MACROD2: variants seen among roughly 807,000 people sequenced by gnomAD.
MACROD2 encodes ADP-ribose glycohydrolase MACROD2.
MACROD2 carries 36 observed loss-of-function variants against 70.4 expected under a neutral mutation model. That is an observed-to-expected ratio of 0.51 (90% CI 0.39 to 0.68). The LOEUF is 0.68. Ranked by LOEUF, MACROD2 falls within the 30% of genes least tolerant of loss-of-function variation. The pLI, the probability that MACROD2 is intolerant of heterozygous loss-of-function variation, is 0.00. For missense variants in MACROD2, 496 were observed against 538.4 expected (o/e 0.92, Z 0.78); for synonymous variants, 172 against 178.8 (o/e 0.96, Z 0.30).
intron 3 of MACROD2, among the ~76,000 whole-genome samples, chr20:14,458,797 G>A (rs1479815634): frequency 1.3e-5 from 2 of 152,094 alleles, no homozygotes; most frequent in Non-Finnish European, 2.9e-5. Context: ...TAAAGTCAAT[G>A]TTTTAGTAAT....
At chr20:14,000,890 A>C (rs73900789) in intron 1 of MACROD2, among the ~76,000 whole-genome samples, 1 of 152,166 alleles carries the variant, frequency 6.6e-6, no homozygotes, top group African/African-American at 2.4e-5. Flanking sequence ...GTTTCCGGCT[A>C]CTTTTCACTT....
rs10626103 is a variant in MACROD2, at chr20:15,936,671, G to GTATATATATATATATATA, written c.839-788_839-787insATATATATATATATATAT. Among the ~76,000 whole-genome samples the GTATATATATATATATATA allele has an allele frequency of 3.5e-3, 506 of 143,226 alleles. 11 individuals are homozygous for GTATATATATATATATATA. Among genetic ancestry groups the GTATATATATATATATATA allele is most frequent in the East Asian group, 0.026 (121 of 4,646 alleles). The allele number at this position is 143,226 out of a possible 152,430, so 94.0% of individuals were successfully genotyped here. A position where few individuals can be genotyped will look rare whatever the true frequency, so the allele number is the denominator to read the frequency against. ...TTTTGTCCATAATGTGTATATGTGTGTATATATATATATATATTCATTTTC... is the reference window on the plus strand; with the variant it reads ...TTTTGTCCATAATGTGTATATGTGTGTATATATATATATATATATATATATATATATATATTCATTTTC... On this transcript the variant is annotated intron_variant, in intron 11 of 17. Coordinates refer to ENST00000684519, the MANE Select transcript of MACROD2 (RefSeq NM_001351661.2).
At chr20:15,984,966 C>T (rs920493342) in intron 13 of MACROD2, among the ~76,000 whole-genome samples, 9 of 152,194 alleles carry the variant, frequency 5.9e-5, no homozygotes, top group South Asian at 2.1e-4. Flanking sequence ...TGTCTATGTA[C>T]GGAAACTGGC....
intron 6 of MACROD2, among the ~76,000 whole-genome samples, chr20:15,393,450 G>C (rs1458919274): frequency 6.6e-6 from 1 of 152,060 alleles, no homozygotes; most frequent in African/African-American, 2.4e-5. Context: ...TGACTCTTCT[G>C]TCTTTCCATC....
At chr20:14,519,098 A>G (rs927790615) in intron 4 of MACROD2, among the ~76,000 whole-genome samples, 8 of 152,220 alleles carry the variant, frequency 5.3e-5, no homozygotes. Context: ...GAGAATGACT[A>G]AAGTACTAAG....
chr20:15,162,520 C>T (rs1040477256), intron 5 of MACROD2, among the ~76,000 whole-genome samples: 7 of 152,188 alleles, frequency 4.6e-5, no homozygotes, highest in Non-Finnish European at 8.8e-5. Flanking sequence ...GAAAGTAGAA[C>T]TAAAACTCAG....
intron 3 of MACROD2, among the ~76,000 whole-genome samples, chr20:14,406,274 G>C (rs2083690149): frequency 6.6e-6 from 1 of 152,048 alleles, no homozygotes; most frequent in Admixed American, 6.6e-5. Flanking sequence ...GTTTCTTTTT[G>C]AAGTATGCAC....
At position 14,957,080 on chromosome 20, in the gene MACROD2, TA is replaced by T. The variant is rs576203079; in HGVS notation, c.418+272126del. On this transcript the variant is annotated intron_variant, in intron 5 of 17. Coordinates refer to ENST00000684519, the MANE Select transcript of MACROD2 (RefSeq NM_001351661.2). ...AGACTGATTTTTTAAAATTATACAT[TA>T]AAAACACATTATCAATGATTTTTTT... Among the ~76,000 whole-genome samples, 54 of 152,292 alleles carry T rather than the reference TA, an allele frequency of 3.5e-4. 1 individual carries two copies. The South Asian group carries it at 7.3e-3, about 20-fold the overall frequency.
At chr20:15,056,793 ATTT>A (rs1014257100) in intron 5 of MACROD2, among the ~76,000 whole-genome samples, 1 of 152,242 alleles carries the variant, frequency 6.6e-6, no homozygotes, top group Admixed American at 6.5e-5. Flanking sequence ...CAGCAAAGAG[ATTT>A]TTAAGTATAT....
In MACROD2 at chr20:16,051,115, A is replaced by G. The variant is rs1271670854; in HGVS notation, c.*1239A>G. 6.6e-6 allele frequency: 1 copy of G among 152,236 alleles called. No individual in the cohort carries two copies. Among genetic ancestry groups the G allele is most frequent in the East Asian group, 1.9e-4 (1 of 5,198 alleles). The allele number at this position is 152,236 out of a possible 1,614,324, so 9.4% of individuals were successfully genotyped here. ...TCTATCCTAGAGCCAGTATAAGGCC[A>G]GATGCCTACTTCCCACAGCCTCCCC... On this transcript the variant is annotated 3_prime_UTR_variant, in exon 18 of 18. Coordinates refer to ENST00000684519, the MANE Select transcript of MACROD2 (RefSeq NM_001351661.2).
chr20:14,389,250 G>C (rs146907936), intron 3 of MACROD2, among the ~76,000 whole-genome samples: 1 of 151,176 alleles, frequency 6.6e-6, no homozygotes, highest in Admixed American at 6.6e-5. Flanking sequence ...GCGAAACCTC[G>C]TCTCTACTAA....
chr20:15,945,223 T>C (rs763312265), intron 12 of MACROD2, among the ~76,000 whole-genome samples: 2 of 152,188 alleles, frequency 1.3e-5, no homozygotes, highest in African/African-American at 4.8e-5. Context: ...TTTTTAGTCA[T>C]TATTAAATAT....
chr20:14,862,466 T>TATATATAA (rs2073361756), intron 5 of MACROD2, among the ~76,000 whole-genome samples: 1 of 16,382 alleles, frequency 6.1e-5, no homozygotes, highest in African/African-American at 2.1e-4. Context: ...TATATAAATA[T>TATATATAA]ATATATATAA....
intron 8 of MACROD2, among the ~76,000 whole-genome samples, chr20:15,745,557 G>T (rs2051170173): frequency 2.0e-5 from 3 of 152,014 alleles, no homozygotes; most frequent in Admixed American, 6.6e-5. Flanking sequence ...GATTCCTATG[G>T]CTTGTCTTTT....
intron 8 of MACROD2, among the ~76,000 whole-genome samples, chr20:15,681,179 G>T (rs1489971074): frequency 6.6e-6 from 1 of 152,154 alleles, no homozygotes; most frequent in African/African-American, 2.4e-5. Flanking sequence ...ATTTACTTGG[G>T]TCTTGTACTC....
intron 8 of MACROD2, among the ~76,000 whole-genome samples, chr20:15,576,169 T>A (rs1600616831): frequency 6.6e-6 from 1 of 152,280 alleles, no homozygotes; most frequent in East Asian, 1.9e-4. Flanking sequence ...TGTGAATGAT[T>A]ACATGAATTT....
chr20:14,051,231 A>G (rs2053563022), intron 2 of MACROD2, among the ~76,000 whole-genome samples: 1 of 152,182 alleles, frequency 6.6e-6, no homozygotes, highest in Admixed American at 6.5e-5. Context: ...AAAATACATA[A>G]TGTTGTTTTG....
intron 8 of MACROD2, among the ~76,000 whole-genome samples, chr20:15,538,453 G>A (rs1239884267): frequency 6.6e-6 from 1 of 152,162 alleles, no homozygotes; most frequent in East Asian, 1.9e-4. Context: ...TAGAACTTCA[G>A]GAAGAGTAGC....
intron 5 of MACROD2, among the ~76,000 whole-genome samples, chr20:15,152,213 G>T (rs1040127202): frequency 2.0e-5 from 3 of 151,956 alleles, no homozygotes; most frequent in Admixed American, 6.6e-5. Flanking sequence ...CATTGCAGGA[G>T]AAAATAAGAT....
Sources: allele counts gnomAD v4.1 joint callset (sites outside exome capture counted in the v4.1 genomes callset), GRCh38; gene constraint gnomAD v4.1.1; transcripts MANE v1.5; gene names NCBI Gene and HGNC (gene_info 2026-07-23, HGNC 2026-07-21).